The following ST14 variants were observed in gnomAD, a reference collection of about 807,000 sequenced individuals.
The protein encoded by ST14 is suppressor of tumorigenicity 14 protein.
ST14 carries 40 observed loss-of-function variants against 96.5 expected under a neutral mutation model. The observed-to-expected ratio is 0.41, with a 90% CI of 0.32 to 0.54. The LOEUF (loss-of-function observed/expected upper bound fraction) is 0.54. ST14 is among the 20% of genes least tolerant of loss of function. The pLI, the probability that ST14 is intolerant of heterozygous loss-of-function variation, is 0.17. For missense variants in ST14, 1,066 were observed against 1,188.9 expected (o/e 0.90, Z 1.52); for synonymous variants, 506 against 492.1 (o/e 1.03, Z -0.37).
Position 130,209,529 on chromosome 11 carries a change from C to A in ST14, c.2357C>A (p.Pro786Gln), listed in dbSNP as rs62642508. ...CENLLPQQIT[P>Q]RMMCVGFLSG... The stretch of plus-strand genomic sequence containing the variant: ...AACCTCCTGCCGCAGCAGATCACGC[C>A]GCGCATGATGTGCGTGGGCTTCCTC... The change falls in exon 18 of 19, where the codon CCG becomes CAG. Residue 786 changes from proline (P) to glutamine (Q), a missense_variant. Transcript: ENST00000278742. 5.1e-6 allele frequency: 8 copies of A among 1,578,728 alleles called. No individual in the cohort carries two copies. The highest frequency in any genetic ancestry group is 1.7e-4 in the Middle Eastern group (1 of 6,032).
intron 9 of ST14, among the ~76,000 whole-genome samples, chr11:130,195,851 TCA>T (rs145626041): frequency 0.8 from 114,110 of 142,552 alleles, 45,646 homozygotes; most frequent in East Asian, 0.94. Context: ...AGACTTTGTC[TCA>T]AAAAAAAAAA....
At chr11:130,204,575 G>A (rs1053844098) in intron 16 of ST14, among the ~76,000 whole-genome samples, 1 of 152,198 alleles carries the variant, frequency 6.6e-6, no homozygotes, top group African/African-American at 2.4e-5. Flanking sequence ...ACTTTGGGAA[G>A]CCGAAGCAGG....
At chr11:130,204,514 A>G (rs1404459087) in intron 16 of ST14, among the ~76,000 whole-genome samples, 2 of 152,156 alleles carry the variant, frequency 1.3e-5, no homozygotes, top group Non-Finnish European at 2.9e-5. Flanking sequence ...GGTGGCTGTA[A>G]GAAAGGCCAG....
intron 15 of ST14, 124 bp downstream of exon 15, chr11:130,199,193 GGT>G: frequency 1.8e-6 from 2 of 1,091,230 alleles, no homozygotes; most frequent in Non-Finnish European, 2.7e-6. Context: ...TGGGTGAGAG[GGT>G]GTGTCTCCTG....
intron 1 of ST14, among the ~76,000 whole-genome samples, chr11:130,176,170 G>T (rs1297194398): frequency 2.0e-5 from 3 of 152,118 alleles, no homozygotes; most frequent in Admixed American, 2.0e-4. Flanking sequence ...CTCTGCTGTG[G>T]TGTAGTCTCC....
rs777564617 is a variant in ST14, at chr11:130,188,523, C to G, written c.242-7C>G. On this transcript the variant is annotated splice_region_variant and splice_polypyrimidine_tract_variant and intron_variant, in intron 2 of 18. Transcript: ENST00000278742. The surrounding 1 kb of genome is among the most constrained non-coding windows in gnomAD (Gnocchi z 5.4). Reference sequence around the variant, plus strand: ...CCCCTGACTGAGCGCCTTCTGGTCTCACACAGACCGGGACGTGCGTGTCCA... The same window carrying G: ...CCCCTGACTGAGCGCCTTCTGGTCTGACACAGACCGGGACGTGCGTGTCCA... 5 of 1,613,548 alleles carry G rather than the reference C, an allele frequency of 3.1e-6. No individual in the cohort carries two copies. In the East Asian group the frequency reaches 1.1e-4, roughly 36 times the overall value.
chr11:130,183,542 T>TA (rs751348726), intron 1 of ST14, among the ~76,000 whole-genome samples: 1,547 of 126,992 alleles, frequency 0.012, 9 homozygotes, highest in Non-Finnish European at 0.016. Context: ...CCCTGTATCT[T>TA]AAAAAAAAAA....
intron 1 of ST14, among the ~76,000 whole-genome samples, chr11:130,182,596 C>G (rs554249632): frequency 6.6e-5 from 10 of 151,366 alleles, no homozygotes; most frequent in South Asian, 4.2e-4. Flanking sequence ...ATCTGTCCAC[C>G]TTGGCCTTTC....
At position 130,198,640 on chromosome 11, in the gene ST14, A is replaced by G. The variant is rs747984756; in HGVS notation, c.1684+19A>G. 5.6e-6 allele frequency: 9 copies of G among 1,599,208 alleles called. No homozygotes were observed. Among genetic ancestry groups the G allele is most frequent in the African/African-American group, 5.4e-5 (4 of 74,660 alleles). ...CCCAAGGGTGAGGCCCGCCCCACCCATCTTCCTGTTGGGGGCCTCGCCCCT... is the reference window on the plus strand; with the variant it reads ...CCCAAGGGTGAGGCCCGCCCCACCCGTCTTCCTGTTGGGGGCCTCGCCCCT... On this transcript the variant is annotated intron_variant, in intron 14 of 18. Coordinates refer to ENST00000278742, the MANE Select transcript of ST14 (RefSeq NM_021978.4).
chr11:130,171,311 T>C (rs531858196), intron 1 of ST14, among the ~76,000 whole-genome samples: 6 of 152,336 alleles, frequency 3.9e-5, no homozygotes, highest in African/African-American at 1.4e-4. Context: ...TAATTACTAT[T>C]TTGTGATAAG....
rs1720623841 is a variant in ST14, at chr11:130,181,288, T to A, written c.82-6826T>A. On this transcript the variant is annotated intron_variant, in intron 1 of 18. Coordinates refer to ENST00000278742, the MANE Select transcript of ST14 (RefSeq NM_021978.4). The surrounding 1 kb of genome is among the most constrained non-coding windows in gnomAD (Gnocchi z 4.1). ...TCTGTACCCTGCTTGTCCTGAGCCCTTTATCCCCAACCTCCCGCCTGGAAG... is the reference window on the plus strand; with the variant it reads ...TCTGTACCCTGCTTGTCCTGAGCCCATTATCCCCAACCTCCCGCCTGGAAG... 6.6e-6 allele frequency among the ~76,000 whole-genome samples: 1 copy of A among 152,094 alleles called. No individual in the cohort carries two copies. The highest frequency in any genetic ancestry group is 1.5e-5 in the Non-Finnish European group (1 of 68,014).
chr11:130,206,105 G>A (rs1006385411), intron 16 of ST14, among the ~76,000 whole-genome samples: 15 of 152,100 alleles, frequency 9.9e-5, no homozygotes, highest in African/African-American at 3.1e-4. Flanking sequence ...GTTTCTCTAC[G>A]CCTTTTATTT....
At chr11:130,193,625 AT>A (rs1249771532) in intron 7 of ST14, among the ~76,000 whole-genome samples, 1 of 151,960 alleles carries the variant, frequency 6.6e-6, no homozygotes, top group Non-Finnish European at 1.5e-5. Flanking sequence ...GTGCACCGTG[AT>A]GCCCAGCTAA....
At chr11:130,172,619 G>A (rs1029510922) in intron 1 of ST14, among the ~76,000 whole-genome samples, 2 of 151,340 alleles carry the variant, frequency 1.3e-5, no homozygotes, top group Non-Finnish European at 1.5e-5. Context: ...GGGTTTCACC[G>A]TGTTAGCCAG....
At chr11:130,177,385 A>C (rs906612026) in intron 1 of ST14, among the ~76,000 whole-genome samples, 1 of 151,700 alleles carries the variant, frequency 6.6e-6, no homozygotes, top group African/African-American at 2.4e-5. Flanking sequence ...AAACATGGTG[A>C]AACCCTGTCT....
At chr11:130,179,396 C>T (rs1953170164) in intron 1 of ST14, among the ~76,000 whole-genome samples, 2 of 152,198 alleles carry the variant, frequency 1.3e-5, no homozygotes, top group Admixed American at 1.3e-4. Context: ...AGATCGATTA[C>T]CCCTGGTTGG....
chr11:130,175,733 G>A (rs1953130997), intron 1 of ST14, among the ~76,000 whole-genome samples: 1 of 151,384 alleles, frequency 6.6e-6, no homozygotes, highest in Non-Finnish European at 1.5e-5. Context: ...GTGCGATCTC[G>A]GCTCACTGCA....
At chr11:130,168,033 T>G (rs1337040813) in intron 1 of ST14, among the ~76,000 whole-genome samples, 1 of 152,216 alleles carries the variant, frequency 6.6e-6, no homozygotes, top group Admixed American at 6.5e-5. Context: ...TCATTTAACA[T>G]TCTATCTTAG....
intron 1 of ST14, among the ~76,000 whole-genome samples, chr11:130,167,212 A>G (rs111526458): frequency 0.045 from 6,854 of 152,302 alleles, 488 homozygotes; most frequent in African/African-American, 0.15. Context: ...CTCTGTCTCA[A>G]AAAAAATTTT....
Sources: allele counts gnomAD v4.1 joint callset (sites outside exome capture counted in the v4.1 genomes callset), GRCh38; gene constraint gnomAD v4.1.1; non-coding constraint Gnocchi (gnomAD v3.1); transcripts MANE v1.5; gene names NCBI Gene and HGNC (gene_info 2026-07-23, HGNC 2026-07-21).